The following FRMD4A variants were observed in gnomAD, a reference collection of about 807,000 sequenced individuals.
FRMD4A encodes FERM domain containing 4A, also known as FERM domain-containing protein 4A.
Under a neutral mutation model 129.1 loss-of-function variants are expected in FRMD4A, and 29 were observed. The ratio of observed to expected loss-of-function variants is 0.22; its 90% CI spans 0.17 to 0.31. The LOEUF is 0.31. Among genes scored for constraint, FRMD4A ranks in the 10% least tolerant of loss-of-function variants. FRMD4A has a pLI of 1.00. For synonymous variants in FRMD4A, 634 were observed against 571.6 expected, an observed-to-expected ratio of 1.11 and a Z score of -1.56; for missense variants, 1,272 against 1,375.8, an observed-to-expected ratio of 0.92 and a Z score of 1.19.
At chr10:13,677,316 T>C (rs1332648259) in intron 15 of FRMD4A, among the ~76,000 whole-genome samples, 5 of 152,238 alleles carry the variant, frequency 3.3e-5, no homozygotes, top group Admixed American at 6.5e-5. Context: ...AGCTAACAAA[T>C]ATTAGCTTGA....
intron 2 of FRMD4A, among the ~76,000 whole-genome samples, chr10:14,241,538 A>T (rs1192197789): frequency 6.6e-6 from 1 of 151,994 alleles, no homozygotes; most frequent in African/African-American, 2.4e-5. Context: ...CTATTCTTGG[A>T]AAGCAGAAGT....
In FRMD4A at chr10:14,040,790, C is replaced by T. The variant is rs571340886; in HGVS notation, c.46-181878G>A. ...TTCTCCAGAGGAAATAAGACGGAGACGCCAGCTTAGGCCTGCAGTGGATAC... is the reference window on the plus strand; with the variant it reads ...TTCTCCAGAGGAAATAAGACGGAGATGCCAGCTTAGGCCTGCAGTGGATAC... On this transcript the variant is annotated intron_variant, in intron 2 of 24. Transcript: ENST00000357447. 7.2e-5 allele frequency among the ~76,000 whole-genome samples: 11 copies of T among 152,264 alleles called. 1 individual carries two copies. The highest frequency in any genetic ancestry group is 6.8e-3 in the Middle Eastern group (2 of 294).
intron 2 of FRMD4A, among the ~76,000 whole-genome samples, chr10:14,104,494 C>T (rs1248626527): frequency 1.3e-5 from 2 of 152,228 alleles, no homozygotes; most frequent in Non-Finnish European, 2.9e-5. Flanking sequence ...ATGCTCTACT[C>T]CCCAGAAAGG....
intron 24 of FRMD4A, 113 bp downstream of exon 24, chr10:13,651,790 G>A (rs1342693967): frequency 1.4e-6 from 1 of 698,426 alleles, no homozygotes; most frequent in East Asian, 2.5e-5. Context: ...CTAGAAATAA[G>A]GCATAAATAC....
intron 6 of FRMD4A, among the ~76,000 whole-genome samples, chr10:13,774,023 A>G (rs2092534239): frequency 6.6e-6 from 1 of 152,138 alleles, no homozygotes; most frequent in South Asian, 2.1e-4. Flanking sequence ...ACATTTCTAA[A>G]TGAGATGTAT....
chr10:13,660,377 C>T lies in FRMD4A; in HGVS notation c.1837G>A (p.Glu613Lys). 1.2e-6 allele frequency: 2 copies of T among 1,614,112 alleles called. No homozygotes were observed. The highest frequency in any genetic ancestry group is 1.7e-6 in the Non-Finnish European group (2 of 1,179,984). The change falls in exon 20 of 25, where the codon GAG becomes AAG. Residue 613 changes from glutamate to lysine, a missense_variant. Coordinates refer to ENST00000357447, the MANE Select transcript of FRMD4A (RefSeq NM_018027.5). ...TCATAGGGTTCATCTAAAGAGGACT[C>T]ACTCCACATTTTGGGCTTGATGGGT... ...KSPIKPKMWS[E>K]SSLDEPYEKV...
intron 2 of FRMD4A, among the ~76,000 whole-genome samples, chr10:14,264,079 T>C (rs1218335): frequency 0.32 from 48,238 of 152,020 alleles, 9,236 homozygotes; most frequent in African/African-American, 0.54. Flanking sequence ...AATCACAGCA[T>C]CTCTCAAGAA....
At chr10:13,698,223 A>ACTC (rs2086424701) in intron 14 of FRMD4A, among the ~76,000 whole-genome samples, 1 of 152,100 alleles carries the variant, frequency 6.6e-6, no homozygotes, top group African/African-American at 2.4e-5. Flanking sequence ...ACCCTTGCTG[A>ACTC]CTCGAACCAC....
At position 13,947,245 on chromosome 10, in the gene FRMD4A, G is replaced by C. The variant is rs148204587; in HGVS notation, c.46-88333C>G. Among the ~76,000 whole-genome samples, 255 of 152,306 alleles carry C rather than the reference G, an allele frequency of 1.7e-3. 2 individuals carry two copies. Among genetic ancestry groups the C allele is most frequent in the African/African-American group, 5.9e-3 (245 of 41,578 alleles). On this transcript the variant is annotated intron_variant, in intron 2 of 24. Transcript: ENST00000357447. ...GATGCTATGGATGCGCTAGGAGAAA[G>C]AGGCAAGTTTGGAGATATTAGCACT... is the stretch of plus-strand genomic sequence containing the variant.
intron 5 of FRMD4A, among the ~76,000 whole-genome samples, chr10:13,783,727 A>G (rs2092790749): frequency 6.6e-6 from 1 of 152,134 alleles, no homozygotes; most frequent in Non-Finnish European, 1.5e-5. Context: ...AATGGTTACT[A>G]CTACTCCCGA....
At chr10:13,822,264 G>T (rs940278628) in intron 3 of FRMD4A, among the ~76,000 whole-genome samples, 2 of 152,194 alleles carry the variant, frequency 1.3e-5, no homozygotes, top group Non-Finnish European at 2.9e-5. Context: ...TGAAGACATC[G>T]TTATTAGCTA....
chr10:13,817,698 T>C (rs974917896), intron 3 of FRMD4A, among the ~76,000 whole-genome samples: 9 of 152,222 alleles, frequency 5.9e-5, no homozygotes, highest in African/African-American at 1.9e-4. Flanking sequence ...TGCTTCTCCT[T>C]TGCCTTCCGC....
At chr10:14,273,742 G>T (rs1190373130) in intron 2 of FRMD4A, among the ~76,000 whole-genome samples, 1 of 152,164 alleles carries the variant, frequency 6.6e-6, no homozygotes, top group East Asian at 1.9e-4. Context: ...TTGCAATGGG[G>T]CTCCAGGTCC....
At chr10:14,308,595 A>G (rs1846432087) in intron 2 of FRMD4A, among the ~76,000 whole-genome samples, 2 of 152,090 alleles carry the variant, frequency 1.3e-5, no homozygotes, top group South Asian at 4.1e-4. Flanking sequence ...GCCCCTATAC[A>G]TGTCTTTTTA....
At chr10:14,052,815 C>T (rs527437261) in intron 2 of FRMD4A, among the ~76,000 whole-genome samples, 3 of 152,196 alleles carry the variant, frequency 2.0e-5, no homozygotes, top group East Asian at 1.9e-4. Context: ...CCAACCACCT[C>T]GGCTTCCCAA....
intron 12 of FRMD4A, among the ~76,000 whole-genome samples, chr10:13,726,959 G>A (rs1165260610): frequency 1.3e-5 from 2 of 152,088 alleles, no homozygotes; most frequent in Admixed American, 6.5e-5. Context: ...GCTGGAGTGC[G>A]ATGGCACGAC....
At chr10:13,660,875 A>T (rs1346188659) in intron 19 of FRMD4A, among the ~76,000 whole-genome samples, 1 of 152,208 alleles carries the variant, frequency 6.6e-6, no homozygotes, top group Non-Finnish European at 1.5e-5. Flanking sequence ...CTAAACAGCA[A>T]AATGTAGTTA....
chr10:13,777,714 A>C (rs963169463), intron 6 of FRMD4A, among the ~76,000 whole-genome samples: 45 of 151,820 alleles, frequency 3.0e-4, no homozygotes, highest in African/African-American at 8.7e-4. Flanking sequence ...GTGCCAGCTC[A>C]GCATTTGGGA....
chr10:13,877,971 G>C (rs2131108969), intron 2 of FRMD4A, among the ~76,000 whole-genome samples: 1 of 152,118 alleles, frequency 6.6e-6, no homozygotes, highest in East Asian at 1.9e-4. Context: ...AAACCCAAAA[G>C]TCTCCCCACC....
Sources: allele counts gnomAD v4.1 joint callset (sites outside exome capture counted in the v4.1 genomes callset), GRCh38; gene constraint gnomAD v4.1.1; transcripts MANE v1.5; gene names NCBI Gene and HGNC (gene_info 2026-07-23, HGNC 2026-07-21).